AGBL3: variants seen among roughly 807,000 people sequenced by gnomAD.
AGBL3 encodes the protein AGBL carboxypeptidase 3.
AGBL3 carries 68 observed loss-of-function variants against 94.5 expected under a neutral mutation model. That is an observed-to-expected ratio of 0.72 (90% CI 0.59 to 0.88). The LOEUF is 0.88. Ranked by LOEUF, AGBL3 falls within the 40% of genes least tolerant of loss-of-function variation. The pLI is 0.00. For missense variants in AGBL3, 934 were observed against 1,103.8 expected, an observed-to-expected ratio of 0.85 and a Z score of 2.18; for synonymous variants, 354 against 370.7, an observed-to-expected ratio of 0.95 and a Z score of 0.52.
intron 16 of AGBL3, among the ~76,000 whole-genome samples, chr7:135,121,786 C>T (rs955259512): frequency 1.3e-5 from 2 of 151,966 alleles, no homozygotes; most frequent in South Asian, 2.1e-4. Context: ...CAGTGGCCCA[C>T]CTGAGAGCCA....
intron 16 of AGBL3, among the ~76,000 whole-genome samples, chr7:135,116,893 G>T (rs1022384332): frequency 3.3e-5 from 5 of 152,156 alleles, no homozygotes; most frequent in African/African-American, 1.2e-4. Context: ...TTTTGTGCAT[G>T]TGTCTGGGCA....
chr7:135,048,248 G>A (rs1375096504), intron 11 of AGBL3, among the ~76,000 whole-genome samples: 1 of 151,826 alleles, frequency 6.6e-6, no homozygotes, highest in East Asian at 1.9e-4. Flanking sequence ...GATTACTGTA[G>A]CTTTGTAATA....
At chr7:135,081,005 T>G (rs1300910603) in intron 14 of AGBL3, among the ~76,000 whole-genome samples, 1 of 151,686 alleles carries the variant, frequency 6.6e-6, no homozygotes, top group Admixed American at 6.6e-5. Flanking sequence ...ATTAAAAATA[T>G]AAGTGGAGAT....
intron 14 of AGBL3, among the ~76,000 whole-genome samples, chr7:135,080,801 G>A (rs1820856475): frequency 6.7e-6 from 1 of 148,466 alleles, no homozygotes; most frequent in East Asian, 2.0e-4. Context: ...TCCTTTGGCA[G>A]GGGGAATCAT....
At chr7:135,030,679 C>G (rs1815641464) in intron 5 of AGBL3, among the ~76,000 whole-genome samples, 1 of 152,134 alleles carries the variant, frequency 6.6e-6, no homozygotes, top group Admixed American at 6.5e-5. Context: ...CCATACCACT[C>G]TTTCTTTCAT....
chr7:135,077,207 G>A (rs1820536140), intron 13 of AGBL3, among the ~76,000 whole-genome samples: 1 of 152,200 alleles, frequency 6.6e-6, no homozygotes, highest in Non-Finnish European at 1.5e-5. Flanking sequence ...TCAGGTGAGT[G>A]CGGACAAGAG....
At chr7:135,040,310 T>C (rs565994611) in intron 8 of AGBL3, among the ~76,000 whole-genome samples, 1 of 152,122 alleles carries the variant, frequency 6.6e-6, no homozygotes, top group Non-Finnish European at 1.5e-5. Context: ...AAGACAAACA[T>C]AGTACAAGAA....
Position 135,032,883 on chromosome 7 carries a change from G to A in AGBL3, c.458G>A (p.Gly153Asp). 6.4e-7 allele frequency: 1 copy of A among 1,550,804 alleles called. No homozygotes were observed. Among genetic ancestry groups the A allele is most frequent in the Non-Finnish European group, 8.7e-7 (1 of 1,146,606 alleles). The part of the protein sequence containing the change: ...EPCFVYSRVG[G>D]NRTPLKQPVD... Reference sequence around the variant, plus strand: ...TGTTTTGTGTATTCCCGAGTTGGGGGTAACCGAACACCTTTGAAGCAGCCT... The same window carrying A: ...TGTTTTGTGTATTCCCGAGTTGGGGATAACCGAACACCTTTGAAGCAGCCT... The change falls in exon 6 of 17, where the codon GGT (glycine) becomes GAT (aspartate). Residue 153 changes from glycine to aspartate, a missense_variant. Transcript: ENST00000436302.
chr7:135,031,356 T>C (rs1236011963), intron 5 of AGBL3, among the ~76,000 whole-genome samples: 1 of 152,040 alleles, frequency 6.6e-6, no homozygotes, highest in Non-Finnish European at 1.5e-5. Context: ...ACCTCCTGGG[T>C]TCAAGCGATT....
intron 11 of AGBL3, among the ~76,000 whole-genome samples, chr7:135,052,307 G>A (rs1817949844): frequency 6.6e-6 from 1 of 152,106 alleles, no homozygotes; most frequent in South Asian, 2.1e-4. Context: ...AGATTTTTCA[G>A]TACATAGGGG....
chr7:134,987,852 A>T, intron 1 of AGBL3, 23 bp from the exon 2 acceptor site: 1 of 1,006,424 alleles, frequency 9.9e-7, no homozygotes, highest in East Asian at 2.7e-5. Flanking sequence ...TTGAAAAGAA[A>T]AGCTGTCATA....
chr7:135,093,293 A>C (rs1286192333), intron 15 of AGBL3: 1 of 148,976 alleles, frequency 6.7e-6, no homozygotes, highest in African/African-American at 2.5e-5. Context: ...CCGAAGGAAC[A>C]CACACACACA....
chr7:135,128,702 C>T (rs1376324883), intron 16 of AGBL3: 1 of 1,356,758 alleles, frequency 7.4e-7, no homozygotes, highest in African/African-American at 1.4e-5. Flanking sequence ...CTTTTGAGCT[C>T]AAGATTGATT....
intron 15 of AGBL3, among the ~76,000 whole-genome samples, chr7:135,096,760 AAAG>A (rs1162531831): frequency 1.3e-5 from 2 of 148,764 alleles, no homozygotes; most frequent in Non-Finnish European, 3.0e-5. Flanking sequence ...AGAAAGAAAG[AAAG>A]AAAGAAAGAA....
At chr7:135,064,729 A>G (rs142961953) in intron 12 of AGBL3, among the ~76,000 whole-genome samples, 17 of 152,338 alleles carry the variant, frequency 1.1e-4, no homozygotes, top group Admixed American at 2.6e-4. Context: ...CATGAGGACA[A>G]TGGTAAAATA....
intron 16 of AGBL3, among the ~76,000 whole-genome samples, chr7:135,131,604 A>G (rs1828789681): frequency 6.6e-6 from 1 of 152,066 alleles, no homozygotes; most frequent in Non-Finnish European, 1.5e-5. Context: ...AAAAATGAGA[A>G]AACATCTGAA....
intron 4 of AGBL3, chr7:135,011,787 T>C (rs1460231515): frequency 6.6e-6 from 1 of 152,178 alleles, no homozygotes; most frequent in African/African-American, 2.4e-5. Flanking sequence ...GGTGAGCATA[T>C]GGAGCAAACA....
intron 16 of AGBL3, among the ~76,000 whole-genome samples, chr7:135,133,647 G>A (rs1266295082): frequency 1.3e-5 from 2 of 152,048 alleles, no homozygotes; most frequent in Non-Finnish European, 2.9e-5. Context: ...TTTTGATAGG[G>A]AATTCAAAAG....
chr7:134,998,187 C>T (rs1811244820), intron 4 of AGBL3, among the ~76,000 whole-genome samples: 1 of 152,184 alleles, frequency 6.6e-6, no homozygotes, highest in African/African-American at 2.4e-5. Flanking sequence ...TGGCTCATTA[C>T]CTCTGTCATT....
Sources: gnomAD v4.1 joint callset for allele counts (sites outside exome capture counted in the v4.1 genomes callset) on GRCh38, gnomAD v4.1.1 for gene constraint, MANE v1.5 for transcripts, NCBI Gene and HGNC (gene_info 2026-07-23, HGNC 2026-07-21) for gene names.